The following BANK1 variants were observed in gnomAD, a reference collection of about 807,000 sequenced individuals.
BANK1 encodes the protein B-cell scaffold protein with ankyrin repeats.
A neutral mutation model predicts 94.5 loss-of-function variants in BANK1; 95 were observed. That is an observed-to-expected ratio of 1.00 (90% CI 0.85 to 1.19). BANK1 has a LOEUF of 1.19. Ranked by LOEUF, BANK1 falls within the 50% of genes most tolerant of loss-of-function variation. The probability of loss-of-function intolerance (pLI) is 0.00; values close to 1 mark genes in which losing one functional copy is unlikely to be tolerated. For missense variants in BANK1, 987 were observed against 932.2 expected (o/e 1.06, Z -0.77); for synonymous variants, 334 against 308.4 (o/e 1.08, Z -0.87).
intron 7 of BANK1, among the ~76,000 whole-genome samples, chr4:101,973,536 T>C (rs558143253): frequency 1.3e-5 from 2 of 152,170 alleles, no homozygotes; most frequent in South Asian, 4.1e-4. Context: ...GCCTGAAGTA[T>C]TTTTATAGGA....
At position 102,060,204 on chromosome 4, in the gene BANK1, A is replaced by G. The variant is rs749445008; in HGVS notation, c.1970-7A>G. ...TTCTGTTAATGCACCCTCCCCTTGT[A>G]TTTTAGACAGAGCTCGGATAGAGAG... On this transcript the variant is annotated splice_polypyrimidine_tract_variant and splice_region_variant and intron_variant, in intron 11 of 16. Transcript: ENST00000322953. The G allele has an allele frequency of 2.6e-6, 4 of 1,560,970 alleles. No individual in the cohort carries two copies. The Admixed American group carries it at 9.0e-5, about 35-fold the overall frequency.
intron 2 of BANK1, among the ~76,000 whole-genome samples, chr4:101,835,332 C>G (rs1726782504): frequency 6.6e-6 from 1 of 152,196 alleles, no homozygotes; most frequent in South Asian, 2.1e-4. Context: ...GTTCTTTGTT[C>G]TCAACTCTGC....
chr4:101,951,988 A>G (rs189249514), intron 7 of BANK1, among the ~76,000 whole-genome samples: 2 of 152,204 alleles, frequency 1.3e-5, no homozygotes, highest in East Asian at 3.9e-4. Context: ...TTTCTTTGAT[A>G]ATAAAATGTG....
chr4:101,880,804 C>A (rs1174372180), intron 5 of BANK1, among the ~76,000 whole-genome samples: 1 of 152,020 alleles, frequency 6.6e-6, no homozygotes, highest in Non-Finnish European at 1.5e-5. Context: ...ACAAAGGTGT[C>A]AAGAACACAC....
chr4:101,940,787 A>G (rs1723716513), intron 7 of BANK1, among the ~76,000 whole-genome samples: 1 of 151,784 alleles, frequency 6.6e-6, no homozygotes, highest in African/African-American at 2.4e-5. Context: ...TCCTATCAAC[A>G]TAACTCATCA....
At chr4:101,848,966 T>C (rs910801063) in intron 2 of BANK1, among the ~76,000 whole-genome samples, 1 of 152,182 alleles carries the variant, frequency 6.6e-6, no homozygotes, top group Non-Finnish European at 1.5e-5. Flanking sequence ...TATCCCCTTA[T>C]CTGCTGAGCC....
At chr4:101,808,011 G>A (rs1725618189) in intron 1 of BANK1, among the ~76,000 whole-genome samples, 2 of 151,662 alleles carry the variant, frequency 1.3e-5, no homozygotes, top group South Asian at 4.2e-4. Flanking sequence ...CTTGAACCCG[G>A]GATGTGGAGG....
intron 6 of BANK1, among the ~76,000 whole-genome samples, chr4:101,906,977 G>A (rs1201993776): frequency 6.6e-6 from 1 of 152,160 alleles, no homozygotes; most frequent in South Asian, 2.1e-4. Context: ...TCAGAGCTGA[G>A]AGCCCCGAAC....
intron 10 of BANK1, among the ~76,000 whole-genome samples, chr4:102,034,801 C>T (rs1727445602): frequency 6.6e-6 from 1 of 152,144 alleles, no homozygotes; most frequent in South Asian, 2.1e-4. Context: ...AGTGATAAAA[C>T]CAGGAAGAGG....
chr4:101,817,975 C>T (rs945636463), intron 1 of BANK1, among the ~76,000 whole-genome samples: 4 of 152,004 alleles, frequency 2.6e-5, no homozygotes, highest in South Asian at 2.1e-4. Context: ...TCTAGAAAGA[C>T]GGATGATATT....
At chr4:101,896,943 G>C (rs1227932640) in intron 6 of BANK1, among the ~76,000 whole-genome samples, 1 of 151,914 alleles carries the variant, frequency 6.6e-6, no homozygotes, top group Non-Finnish European at 1.5e-5. Flanking sequence ...AGAAATTAAT[G>C]TTATTGTAAA....
intron 1 of BANK1, among the ~76,000 whole-genome samples, chr4:101,803,828 T>C (rs1336104508): frequency 6.7e-6 from 1 of 149,562 alleles, no homozygotes. Context: ...AAACCCCGTC[T>C]CTACTAAAAA....
rs1230349107 is a variant in BANK1, at chr4:102,044,025, T to C, written c.1969+118T>C. ...ATGTAATTGTGTGCTTTATAAATCT[T>C]ACTCTTTTTTTTATTATTATTATAC... On this transcript the variant is annotated intron_variant, in intron 11 of 16. Transcript: ENST00000322953. 5 of 559,570 alleles carry C rather than the reference T, an allele frequency of 8.9e-6. No homozygotes were observed. The East Asian group carries it at 1.4e-4, about 16-fold the overall frequency. 34.7% of individuals were successfully genotyped at this position (559,570 alleles called of 1,614,324 possible).
chr4:102,028,453 C>T (rs969687024), intron 9 of BANK1, among the ~76,000 whole-genome samples: 8 of 152,146 alleles, frequency 5.3e-5, no homozygotes, highest in Admixed American at 3.3e-4. Flanking sequence ...ATCTTAATCT[C>T]GCCTCATAAT....
At chr4:101,955,087 G>T (rs1421938073) in intron 7 of BANK1, among the ~76,000 whole-genome samples, 1 of 152,142 alleles carries the variant, frequency 6.6e-6, no homozygotes, top group Non-Finnish European at 1.5e-5. Flanking sequence ...ACTCATAAAA[G>T]CTACAGTGAC....
chr4:102,044,470 T>C (rs1727811548), intron 11 of BANK1, among the ~76,000 whole-genome samples: 1 of 151,140 alleles, frequency 6.6e-6, no homozygotes, highest in African/African-American at 2.4e-5. Context: ...TTTGCTATTG[T>C]GAATAATGCC....
chr4:101,838,606 C>T (rs1359955317), intron 2 of BANK1, among the ~76,000 whole-genome samples: 3 of 152,184 alleles, frequency 2.0e-5, no homozygotes, highest in South Asian at 2.1e-4. Flanking sequence ...CAGGAAAAAA[C>T]AAAATTTTAC....
chr4:101,841,994 CAT>C (rs955315911), intron 2 of BANK1, among the ~76,000 whole-genome samples: 4 of 152,110 alleles, frequency 2.6e-5, no homozygotes, highest in South Asian at 2.1e-4. Flanking sequence ...AATAGAATAA[CAT>C]AAATGAATAT....
chr4:101,832,818 C>A (rs1367467759), intron 2 of BANK1, among the ~76,000 whole-genome samples: 2 of 151,876 alleles, frequency 1.3e-5, no homozygotes, highest in African/African-American at 4.8e-5. Context: ...GTTTTTGCTC[C>A]CCATCTCCAT....
Sources: gnomAD v4.1 joint callset for allele counts (sites outside exome capture counted in the v4.1 genomes callset) on GRCh38, gnomAD v4.1.1 for gene constraint, MANE v1.5 for transcripts, NCBI Gene and HGNC (gene_info 2026-07-23, HGNC 2026-07-21) for gene names.